The following RAPGEF6 variants were observed in gnomAD, a reference collection of about 807,000 sequenced individuals.
RAPGEF6 encodes the protein Rap guanine nucleotide exchange factor 6, also known as PDZ domain containing guanine nucleotide exchange factor (GEF) 2.
A neutral mutation model predicts 171.4 loss-of-function variants in RAPGEF6; 56 were observed. That is an observed-to-expected ratio of 0.33 (90% confidence interval 0.26 to 0.41). RAPGEF6 has a LOEUF of 0.41. Among genes scored for constraint, RAPGEF6 ranks in the 10% least tolerant of loss-of-function variants. RAPGEF6 has a pLI of 1.00. For synonymous variants in RAPGEF6, 692 were observed against 650.1 expected (o/e 1.06, Z -0.98); for missense variants, 1,674 against 1,921.4 (o/e 0.87, Z 2.41).
intron 24 of RAPGEF6, among the ~76,000 whole-genome samples, chr5:131,434,967 A>G (rs1751927878): frequency 6.6e-6 from 1 of 152,220 alleles, no homozygotes; most frequent in South Asian, 2.1e-4. Flanking sequence ...CCTTTGGACC[A>G]ATACCTAGAA....
At chr5:131,502,050 G>C (rs1757057722) in intron 11 of RAPGEF6, among the ~76,000 whole-genome samples, 1 of 152,074 alleles carries the variant, frequency 6.6e-6, no homozygotes, top group Non-Finnish European at 1.5e-5. Context: ...CAGATTATAC[G>C]GATGTGCTCA....
At chr5:131,521,891 ACTCT>A (rs144983094) in intron 6 of RAPGEF6, among the ~76,000 whole-genome samples, 9,371 of 122,962 alleles carry the variant, frequency 0.076, 530 homozygotes, top group Middle Eastern at 0.12. Context: ...ACACACACAC[ACTCT>A]CTCTCTCTCT....
chr5:131,496,444 G>C (rs1213295897), intron 12 of RAPGEF6, among the ~76,000 whole-genome samples: 1 of 152,092 alleles, frequency 6.6e-6, no homozygotes, highest in Non-Finnish European at 1.5e-5. Context: ...CATCACCACT[G>C]TCTAGTTCTG....
Position 131,442,418 on chromosome 5 carries a change from C to T in RAPGEF6, c.3541G>A (p.Val1181Met). ...AAATTAACAGCTGGCACCTGAAGCACCTGGCTTACTCTGTGGGGTTGATGC... is the reference window on the plus strand; with the variant it reads ...AAATTAACAGCTGGCACCTGAAGCATCTGGCTTACTCTGTGGGGTTGATGC... Reference protein sequence around the residue: ...HLHQPHRVSQVLQVPAVNLHP... With the variant: ...HLHQPHRVSQMLQVPAVNLHP... The change falls in exon 23 of 28, where the codon GTG becomes ATG. Residue 1181 changes from valine (V) to methionine (M), a missense_variant. Physicochemically the swap from Val to Met is conservative, Grantham distance 21. Transcript: ENST00000509018. 1 of 1,614,106 alleles carries T rather than the reference C, an allele frequency of 6.2e-7. No individual in the cohort carries two copies. Among genetic ancestry groups the T allele is most frequent in the Non-Finnish European group, 8.5e-7 (1 of 1,180,010 alleles).
At chr5:131,608,864 G>A (rs1764770044) in intron 1 of RAPGEF6, among the ~76,000 whole-genome samples, 1 of 151,904 alleles carries the variant, frequency 6.6e-6, no homozygotes. Flanking sequence ...CCAACCTCCT[G>A]GGCTCAAGCA....
rs374459754 is a variant in RAPGEF6, at chr5:131,474,381, G to T, written c.2082-1637C>A. 1.2e-3 allele frequency among the ~76,000 whole-genome samples: 180 copies of T among 152,206 alleles called. 2 individuals carry two copies. In the South Asian group the frequency reaches 0.028, roughly 24 times the overall value. On this transcript the variant is annotated intron_variant, in intron 16 of 27. Transcript: ENST00000509018. ...CTCTGGAGGCTGAGGCAGGAGAATC[G>T]CTTGAACCCAGGAGGCAGAGGTTGC...
intron 5 of RAPGEF6, among the ~76,000 whole-genome samples, chr5:131,560,788 A>T (rs1761550105): frequency 6.6e-6 from 1 of 152,260 alleles, no homozygotes; most frequent in East Asian, 1.9e-4. Flanking sequence ...AAGAGCTTAA[A>T]ATCCAGTTGC....
intron 4 of RAPGEF6, among the ~76,000 whole-genome samples, chr5:131,582,618 C>T (rs1233460957): frequency 1.3e-5 from 2 of 152,174 alleles, no homozygotes; most frequent in Non-Finnish European, 2.9e-5. Context: ...AAATTAAGTA[C>T]TTCTGCTCTT....
intron 19 of RAPGEF6, among the ~76,000 whole-genome samples, chr5:131,456,748 C>A (rs893023412): frequency 6.6e-6 from 1 of 152,166 alleles, no homozygotes; most frequent in Non-Finnish European, 1.5e-5. Flanking sequence ...TTTACCAACA[C>A]CACTGTAAAA....
intron 7 of RAPGEF6, among the ~76,000 whole-genome samples, chr5:131,514,007 GAC>G (rs998772104): frequency 1.8e-4 from 28 of 152,276 alleles, no homozygotes; most frequent in African/African-American, 6.5e-4. Flanking sequence ...CAGCCTGGGT[GAC>G]AGTGTGAGAA....
chr5:131,499,581 C>CAA (rs375534138), intron 11 of RAPGEF6, among the ~76,000 whole-genome samples: 8,798 of 86,094 alleles, frequency 0.1, 714 homozygotes, highest in East Asian at 0.19. Context: ...GACTTTGTCT[C>CAA]AAAAAAAAAA....
intron 6 of RAPGEF6, among the ~76,000 whole-genome samples, chr5:131,524,929 T>C (rs1466568156): frequency 1.3e-5 from 2 of 152,212 alleles, no homozygotes; most frequent in African/African-American, 4.8e-5. Flanking sequence ...GTGATGGATA[T>C]ATTAATTACC....
At chr5:131,502,532 C>T (rs1452197139) in intron 11 of RAPGEF6, among the ~76,000 whole-genome samples, 2 of 152,178 alleles carry the variant, frequency 1.3e-5, no homozygotes, top group Non-Finnish European at 2.9e-5. Flanking sequence ...TTGTGAACTC[C>T]TGCCAGGAAA....
At chr5:131,583,322 T>A (rs1266528399) in intron 4 of RAPGEF6, among the ~76,000 whole-genome samples, 1 of 152,270 alleles carries the variant, frequency 6.6e-6, no homozygotes, top group East Asian at 1.9e-4. Flanking sequence ...AATTGTTTTT[T>A]AAAACAGAGA....
At chr5:131,621,352 C>T (rs766371949) in intron 1 of RAPGEF6, among the ~76,000 whole-genome samples, 9 of 152,000 alleles carry the variant, frequency 5.9e-5, no homozygotes, top group Non-Finnish European at 7.4e-5. Flanking sequence ...TGCAGTGGCA[C>T]GATCACAGCT....
chr5:131,611,011 G>A (rs937878862), intron 1 of RAPGEF6, among the ~76,000 whole-genome samples: 11 of 152,192 alleles, frequency 7.2e-5, no homozygotes, highest in African/African-American at 2.7e-4. Flanking sequence ...ACTGAGCCTG[G>A]TAAAAATACT....
chr5:131,479,476 T>C, intron 16 of RAPGEF6, 37 bp downstream of exon 16: 1 of 1,602,600 alleles, frequency 6.2e-7, no homozygotes, highest in Non-Finnish European at 8.5e-7. Context: ...ACAGTGAAGA[T>C]GAAAATTCCT....
rs1260872716 is a variant in RAPGEF6, at chr5:131,574,862, C to CA, written c.282-12816dup. On this transcript the variant is annotated intron_variant, in intron 4 of 27. Coordinates refer to ENST00000509018, the MANE Select transcript of RAPGEF6 (RefSeq NM_016340.6). ...CTTACCCCGCTCAACGCCAGTACCCCATCCCACAACAGGCTTTAAGAGGAC... is the reference window on the plus strand; with the variant it reads ...CTTACCCCGCTCAACGCCAGTACCCCAATCCCACAACAGGCTTTAAGAGGAC... Among the ~76,000 whole-genome samples, 90 of 152,268 alleles carry CA rather than the reference C, an allele frequency of 5.9e-4. 1 individual carries two copies. Among genetic ancestry groups the CA allele is most frequent in the Admixed American group, 5.9e-3 (90 of 15,298 alleles).
chr5:131,566,752 C>CT (rs1182798510), intron 4 of RAPGEF6, among the ~76,000 whole-genome samples: 4 of 150,344 alleles, frequency 2.7e-5, no homozygotes, highest in Non-Finnish European at 5.9e-5. Flanking sequence ...TTTTTTGAGC[C>CT]TTTTTTTGTA....
Sources: allele counts gnomAD v4.1 joint callset (sites outside exome capture counted in the v4.1 genomes callset), GRCh38; gene constraint gnomAD v4.1.1; transcripts MANE v1.5; gene names NCBI Gene and HGNC (gene_info 2026-07-23, HGNC 2026-07-21).